LIN52: variants seen among roughly 807,000 people sequenced by gnomAD.
The protein encoded by LIN52 is lin-52 DREAM MuvB core complex component.
A neutral mutation model predicts 18.5 loss-of-function variants in LIN52; 4 were observed. That is an observed-to-expected ratio of 0.22 (90% confidence interval 0.11 to 0.49). The LOEUF (loss-of-function observed/expected upper bound fraction) is 0.49. Among genes scored for constraint, LIN52 ranks in the 20% least tolerant of loss-of-function variants. The pLI, the probability that LIN52 is intolerant of heterozygous loss-of-function variation, is 0.97. For synonymous variants in LIN52, 34 were observed against 45.5 expected (o/e 0.75, Z 1.02); for missense variants, 102 against 139.5 (o/e 0.73, Z 1.35).
At chr14:74,155,074 T>C (rs1475731550) in intron 5 of LIN52, among the ~76,000 whole-genome samples, 1 of 152,214 alleles carries the variant, frequency 6.6e-6, no homozygotes, top group African/African-American at 2.4e-5. Flanking sequence ...ACCCAAATCC[T>C]GTGGCCAAAA....
chr14:74,152,799 A>G (rs1462730927), intron 5 of LIN52, among the ~76,000 whole-genome samples: 1 of 151,860 alleles, frequency 6.6e-6, no homozygotes, highest in Non-Finnish European at 1.5e-5. Flanking sequence ...ATCTCTACTA[A>G]AAATACAAAA....
chr14:74,088,870 T>C (rs1227309484), intron 1 of LIN52, among the ~76,000 whole-genome samples: 2 of 152,182 alleles, frequency 1.3e-5, no homozygotes, highest in African/African-American at 4.8e-5. Flanking sequence ...ATGTTAATAT[T>C]GAGTACTACT....
chr14:74,189,000 G>T (rs756847038), intron 5 of LIN52, among the ~76,000 whole-genome samples: 11 of 152,102 alleles, frequency 7.2e-5, no homozygotes, highest in Non-Finnish European at 1.6e-4. Context: ...AGATAGACAG[G>T]GCAGGAAAGT....
chr14:74,130,278 G>GTTATTTTTTTTTTTTTTTT (rs2061054682), intron 5 of LIN52, among the ~76,000 whole-genome samples: 1 of 64,842 alleles, frequency 1.5e-5, no homozygotes, highest in Non-Finnish European at 2.8e-5. Flanking sequence ...GCATTTTTTG[G>GTTATTTTTTTTTTTTTTTT]TTTTTTTTTT....
At chr14:74,157,841 T>G (rs1253959343) in intron 5 of LIN52, among the ~76,000 whole-genome samples, 4 of 152,144 alleles carry the variant, frequency 2.6e-5, no homozygotes, top group African/African-American at 9.6e-5. Flanking sequence ...TTCTATGGGA[T>G]CTACACCTGA....
intron 5 of LIN52, among the ~76,000 whole-genome samples, chr14:74,137,513 T>TTTTTTTTTA (rs1444814143): frequency 2.0e-5 from 3 of 148,282 alleles, no homozygotes; most frequent in African/African-American, 7.6e-5. Flanking sequence ...TTTTTTTTTT[T>TTTTTTTTTA]TTTGAGATGG....
At chr14:74,128,403 C>T (rs2061040098) in intron 5 of LIN52, among the ~76,000 whole-genome samples, 1 of 152,076 alleles carries the variant, frequency 6.6e-6, no homozygotes, top group African/African-American at 2.4e-5. Context: ...TGTGAGGGAG[C>T]TTCTTGAGGA....
intron 5 of LIN52, among the ~76,000 whole-genome samples, chr14:74,143,819 A>G (rs1035088591): frequency 6.6e-6 from 1 of 152,078 alleles, no homozygotes; most frequent in Admixed American, 6.5e-5. Flanking sequence ...GCTATTTCAT[A>G]ATATGTGATA....
chr14:74,138,787 G>T (rs1052964932), intron 5 of LIN52, among the ~76,000 whole-genome samples: 3 of 148,762 alleles, frequency 2.0e-5, no homozygotes, highest in Non-Finnish European at 3.0e-5. Context: ...AAAAAAAAAG[G>T]CATCTTTGAA....
intron 2 of LIN52, among the ~76,000 whole-genome samples, chr14:74,094,501 T>C (rs907756268): frequency 6.6e-6 from 1 of 151,782 alleles, no homozygotes; most frequent in African/African-American, 2.4e-5. Context: ...TCAGGCTGTC[T>C]TTCCACCTTG....
intron 5 of LIN52, 24 bp from the exon 6 acceptor site, chr14:74,198,898 C>G (rs773241592): frequency 1.3e-6 from 2 of 1,573,776 alleles, no homozygotes; most frequent in Non-Finnish European, 1.7e-6. Context: ...TTTCATTGAT[C>G]ATTTGTTTGC....
chr14:74,166,832 T>C (rs1273291473), intron 5 of LIN52, among the ~76,000 whole-genome samples: 1 of 152,240 alleles, frequency 6.6e-6, no homozygotes, highest in Non-Finnish European at 1.5e-5. Context: ...CCTCTAAATA[T>C]TGACCTCTGG....
chr14:74,175,744 ACACACACC>A (rs1173555783), intron 5 of LIN52, among the ~76,000 whole-genome samples: 142 of 139,190 alleles, frequency 1.0e-3, no homozygotes, highest in African/African-American at 3.2e-3. Flanking sequence ...ACACACACAC[ACACACACC>A]CCCATTATAC....
chr14:74,181,375 G>GCCAT (rs1437281517), intron 5 of LIN52, among the ~76,000 whole-genome samples: 5 of 151,358 alleles, frequency 3.3e-5, no homozygotes, highest in Non-Finnish European at 5.9e-5. Flanking sequence ...AGGAGGTTGA[G>GCCAT]GCTGCAGCGA....
chr14:74,133,187 T>C (rs2061078539), intron 5 of LIN52, among the ~76,000 whole-genome samples: 1 of 152,242 alleles, frequency 6.6e-6, no homozygotes, highest in African/African-American at 2.4e-5. Context: ...TGGTAAAAAC[T>C]GTTCTACATT....
chr14:74,101,772 T>C (rs2060858193), intron 5 of LIN52, among the ~76,000 whole-genome samples: 1 of 152,174 alleles, frequency 6.6e-6, no homozygotes, highest in Admixed American at 6.5e-5. Context: ...TTTTTCTTTA[T>C]ACAGTAAAAG....
intron 5 of LIN52, among the ~76,000 whole-genome samples, chr14:74,177,290 G>A (rs144220711): frequency 2.0e-4 from 30 of 152,198 alleles, no homozygotes; most frequent in African/African-American, 6.3e-4. Flanking sequence ...GACCTACTGC[G>A]CCCGGCCTGT....
At chr14:74,099,239 T>C (rs1489528252) in intron 4 of LIN52, among the ~76,000 whole-genome samples, 1 of 152,180 alleles carries the variant, frequency 6.6e-6, no homozygotes, top group Non-Finnish European at 1.5e-5. Context: ...AGTCTACTTA[T>C]GCTAGGTGTA....
rs1294241234 is a variant in LIN52, at chr14:74,183,863, CAG to C, written c.284-15057_284-15056del. ...ACACTACCATTATTAACATATCAAA[CAG>C]AATAAAATAATAATTATTTAATAAC... On this transcript the variant is annotated intron_variant, in intron 5 of 5. Coordinates refer to ENST00000555028, the MANE Select transcript of LIN52 (RefSeq NM_001024674.3). Among the ~76,000 whole-genome samples the C allele has an allele frequency of 3.9e-5, 6 of 152,228 alleles. No individual in the cohort carries two copies. The East Asian group carries it at 7.7e-4, about 20-fold the overall frequency.
Sources: gnomAD v4.1 joint callset for allele counts (sites outside exome capture counted in the v4.1 genomes callset) on GRCh38, gnomAD v4.1.1 for gene constraint, MANE v1.5 for transcripts, NCBI Gene and HGNC (gene_info 2026-07-23, HGNC 2026-07-21) for gene names.